Variants in ZMIZ1 observed in about 807,000 individuals in gnomAD.
The protein encoded by ZMIZ1 is zinc finger MIZ-type containing 1.
A neutral mutation model predicts 113.9 loss-of-function variants in ZMIZ1; 17 were observed. The ratio of observed to expected loss-of-function variants is 0.15; its 90% CI spans 0.10 to 0.22. The LOEUF is 0.22. ZMIZ1 is among the 10% of genes least tolerant of loss of function. The pLI, the probability that ZMIZ1 is intolerant of heterozygous loss-of-function variation, is 1.00. For missense variants in ZMIZ1, 1,059 were observed against 1,477.8 expected, an observed-to-expected ratio of 0.72 and a Z score of 4.65; for synonymous variants, 607 against 603.1, an observed-to-expected ratio of 1.01 and a Z score of -0.09.
intron 6 of ZMIZ1, among the ~76,000 whole-genome samples, chr10:79,215,114 G>A (rs1012240108): frequency 2.2e-4 from 34 of 152,180 alleles, no homozygotes; most frequent in Non-Finnish European, 3.8e-4. Context: ...CCCATTTGCT[G>A]GGGCTTAAGG....
chr10:79,251,713 G>T (rs1850565930), intron 7 of ZMIZ1, among the ~76,000 whole-genome samples: 1 of 152,212 alleles, frequency 6.6e-6, no homozygotes, highest in Admixed American at 6.5e-5. Context: ...CTGAGCAAAG[G>T]CTTGTGTCTT....
chr10:79,230,936 T>C (rs1229522645), intron 7 of ZMIZ1, among the ~76,000 whole-genome samples: 1 of 152,232 alleles, frequency 6.6e-6, no homozygotes, highest in Non-Finnish European at 1.5e-5. Flanking sequence ...GGTGGCCCCA[T>C]GGGTCAAGGC....
chr10:79,201,763 G>C, intron 5 of ZMIZ1, 71 bp downstream of exon 5: 5 of 1,558,202 alleles, frequency 3.2e-6, no homozygotes, highest in Middle Eastern at 1.7e-4. Flanking sequence ...GGCATCTGGT[G>C]GGTTCTGGCT....
At position 79,216,074 on chromosome 10, in the gene ZMIZ1, A is replaced by G. The variant is rs1335859767; in HGVS notation, c.175-95A>G. ...CTGCCTAATGATGGGGCACTGCCTT[A>G]GCTTGCCCACCTCACCCACTTCACC... On this transcript the variant is annotated intron_variant, in intron 6 of 24. Transcript: ENST00000334512. 207 of 782,442 alleles carry G rather than the reference A, an allele frequency of 2.6e-4. No homozygotes were observed. The African/African-American group carries it at 3.6e-3, about 14-fold the overall frequency. 48.5% of individuals were successfully genotyped at this position (782,442 alleles called of 1,614,324 possible). A position where few individuals can be genotyped will look rare whatever the true frequency, so the allele number is the denominator to read the frequency against.
chr10:79,169,395 G>A (rs1209720268), intron 4 of ZMIZ1, among the ~76,000 whole-genome samples: 1 of 152,252 alleles, frequency 6.6e-6, no homozygotes, highest in South Asian at 2.1e-4. Context: ...TGAGCCAGGA[G>A]GACTTTGATG....
Position 79,309,049 on chromosome 10 carries a change from G to A in ZMIZ1, c.2835+1478G>A, listed in dbSNP as rs150743960. ...CCTGGAAGTGCGGATGTGCCAGGCC[G>A]GTGGGGCAGGGCAGTCACAGGTAAA... On this transcript the variant is annotated intron_variant, in intron 23 of 24. Coordinates refer to ENST00000334512, the MANE Select transcript of ZMIZ1 (RefSeq NM_020338.4). Among the ~76,000 whole-genome samples the A allele has an allele frequency of 3.3e-5, 5 of 152,280 alleles. No homozygotes were observed. The East Asian group carries it at 7.7e-4, about 24-fold the overall frequency.
chr10:79,201,782 T>A (rs1405904982), intron 5 of ZMIZ1, 90 bp downstream of exon 5: 1 of 1,423,858 alleles, frequency 7.0e-7, no homozygotes, highest in African/African-American at 1.4e-5. Flanking sequence ...CTGGAGACGA[T>A]GGCAGGGCCT....
In ZMIZ1 at chr10:79,314,152, T is replaced by C. The variant is rs1178567929; in HGVS notation, c.*1403T>C. The stretch of plus-strand genomic sequence containing the variant: ...CAGCCTCTGGCCTTCCCTCCACCGC[T>C]TTGCTCCATCTGGCTTACCACTCTC... On this transcript the variant is annotated 3_prime_UTR_variant, in exon 25 of 25. Transcript: ENST00000334512. 5 of 456,930 alleles carry C rather than the reference T, an allele frequency of 1.1e-5. No individual in the cohort carries two copies. Among genetic ancestry groups the C allele is most frequent in the Non-Finnish European group, 2.2e-5 (5 of 227,010 alleles). 28.3% of individuals were successfully genotyped at this position (456,930 alleles called of 1,614,324 possible). A position where few individuals can be genotyped will look rare whatever the true frequency, so the allele number is the denominator to read the frequency against.
At chr10:79,176,033 A>G (rs747707625) in intron 4 of ZMIZ1, among the ~76,000 whole-genome samples, 1 of 152,032 alleles carries the variant, frequency 6.6e-6, no homozygotes, top group Non-Finnish European at 1.5e-5. Flanking sequence ...AGGGAGTCCC[A>G]GAAAGTGAGA....
intron 1 of ZMIZ1, among the ~76,000 whole-genome samples, chr10:79,093,818 A>G (rs753271): frequency 0.41 from 62,438 of 152,042 alleles, 13,727 homozygotes; most frequent in African/African-American, 0.57. Flanking sequence ...CCCTGCCGCA[A>G]GCACTCTGCA....
chr10:79,138,735 C>G (rs943778177), intron 2 of ZMIZ1, among the ~76,000 whole-genome samples: 6 of 152,146 alleles, frequency 3.9e-5, no homozygotes, highest in Non-Finnish European at 8.8e-5. Context: ...TAGTCTACAG[C>G]AAGATTCTAG....
chr10:79,090,435 C>A (rs1589259073), intron 1 of ZMIZ1, among the ~76,000 whole-genome samples: 1 of 152,316 alleles, frequency 6.6e-6, no homozygotes, highest in South Asian at 2.1e-4. Flanking sequence ...GAAGGACCTT[C>A]TGCCCCCTCT....
intron 1 of ZMIZ1, among the ~76,000 whole-genome samples, chr10:79,117,032 G>A (rs780240779): frequency 2.0e-5 from 3 of 152,258 alleles, no homozygotes; most frequent in Non-Finnish European, 4.4e-5. Flanking sequence ...TGCTGGACTG[G>A]AAGGTCCAGA....
intron 3 of ZMIZ1, among the ~76,000 whole-genome samples, chr10:79,156,842 G>T (rs1303430424): frequency 6.6e-6 from 1 of 152,174 alleles, no homozygotes; most frequent in African/African-American, 2.4e-5. Context: ...AGATTGAGAG[G>T]ATATGCAGTT....
intron 4 of ZMIZ1, among the ~76,000 whole-genome samples, chr10:79,164,013 G>C (rs185293858): frequency 1.2e-4 from 19 of 152,094 alleles, no homozygotes; most frequent in African/African-American, 4.3e-4. Flanking sequence ...GAGCAGCTTC[G>C]AGTTGATTCT....
At chr10:79,109,771 C>G (rs1843674844) in intron 1 of ZMIZ1, among the ~76,000 whole-genome samples, 1 of 152,262 alleles carries the variant, frequency 6.6e-6, no homozygotes, top group African/African-American at 2.4e-5. Flanking sequence ...CCCTCTGCCT[C>G]TCCCATCATC....
At chr10:79,246,207 A>T (rs748311989) in intron 7 of ZMIZ1, among the ~76,000 whole-genome samples, 1 of 152,246 alleles carries the variant, frequency 6.6e-6, no homozygotes, top group Non-Finnish European at 1.5e-5. Flanking sequence ...CCCCTTGGCC[A>T]GCACTCTGTC....
At chr10:79,149,578 C>T (rs925105851) in intron 3 of ZMIZ1, among the ~76,000 whole-genome samples, 2 of 152,216 alleles carry the variant, frequency 1.3e-5, no homozygotes, top group African/African-American at 4.8e-5. Flanking sequence ...CCAGACACTT[C>T]AGGGGTTCAG....
Position 79,307,493 on chromosome 10 carries a change from C to T in ZMIZ1, c.2757C>T (p.Pro919=). 3 of 1,610,522 alleles carry T rather than the reference C, an allele frequency of 1.9e-6. No homozygotes were observed. Among genetic ancestry groups the T allele is most frequent in the Non-Finnish European group, 1.7e-6 (2 of 1,177,264 alleles). The stretch of plus-strand genomic sequence containing the variant: ...TGAATGACTTCATGCACGGGCCCCC[C>T]CAGCTCTCCCACCCCCCGGACATGC... ...TSMNDFMHGP[P]QLSHPPDMPN... is the part of the protein sequence containing the mutation. Residue 919 remains proline, a synonymous_variant, in exon 23 of 25, where the codon CCC becomes CCT. Coordinates refer to ENST00000334512, the MANE Select transcript of ZMIZ1 (RefSeq NM_020338.4).
Sources: allele counts gnomAD v4.1 joint callset (sites outside exome capture counted in the v4.1 genomes callset), GRCh38; gene constraint gnomAD v4.1.1; transcripts MANE v1.5; gene names NCBI Gene and HGNC (gene_info 2026-07-23, HGNC 2026-07-21).